Variants in TBC1D22A observed in about 807,000 individuals in gnomAD.
TBC1D22A encodes TBC1 domain family member 22A.
TBC1D22A carries 38 observed loss-of-function variants against 60.2 expected under a neutral mutation model. The observed-to-expected ratio is 0.63, with a 90% CI of 0.49 to 0.83. The LOEUF (loss-of-function observed/expected upper bound fraction) is 0.83. Ranked by LOEUF, TBC1D22A falls within the 40% of genes least tolerant of loss-of-function variation. The pLI, the probability that TBC1D22A is intolerant of heterozygous loss-of-function variation, is 0.00. For synonymous variants in TBC1D22A, 302 were observed against 281.7 expected (o/e 1.07, Z -0.72); for missense variants, 628 against 701.0 (o/e 0.90, Z 1.18).
chr22:47,163,991 C>A (rs1408251110), intron 12 of TBC1D22A, among the ~76,000 whole-genome samples: 1 of 152,238 alleles, frequency 6.6e-6, no homozygotes, highest in Non-Finnish European at 1.5e-5. Context: ...GCAACACCTC[C>A]AAGGCCCATG....
chr22:46,824,440 C>T (rs777335867), intron 4 of TBC1D22A, among the ~76,000 whole-genome samples: 1 of 152,070 alleles, frequency 6.6e-6, no homozygotes, highest in Non-Finnish European at 1.5e-5. Flanking sequence ...CCAAGAAGGC[C>T]GCTGTGGCTG....
At chr22:47,007,615 C>T (rs1228784515) in intron 10 of TBC1D22A, among the ~76,000 whole-genome samples, 1 of 151,968 alleles carries the variant, frequency 6.6e-6, no homozygotes, top group Non-Finnish European at 1.5e-5. Context: ...GAGGGCTGTC[C>T]CCTAGGGTTG....
chr22:47,029,178 T>C (rs530081585), intron 10 of TBC1D22A, among the ~76,000 whole-genome samples: 1 of 148,294 alleles, frequency 6.7e-6, no homozygotes, highest in Non-Finnish European at 1.5e-5. Context: ...AAAGCTTCCA[T>C]ACCCCTCCCC....
chr22:46,778,629 A>G (rs2083804816), intron 1 of TBC1D22A, among the ~76,000 whole-genome samples: 1 of 152,068 alleles, frequency 6.6e-6, no homozygotes, highest in East Asian at 1.9e-4. Flanking sequence ...CCATGATAAC[A>G]TTGCCTTCTT....
chr22:46,958,833 G>C (rs1288564968), intron 8 of TBC1D22A, among the ~76,000 whole-genome samples: 2 of 152,234 alleles, frequency 1.3e-5, no homozygotes, highest in Admixed American at 6.5e-5. Context: ...TGTTTACTTT[G>C]AATGTGCTCC....
chr22:47,100,613 T>C (rs1037356950), intron 11 of TBC1D22A, among the ~76,000 whole-genome samples: 2 of 152,136 alleles, frequency 1.3e-5, no homozygotes, highest in African/African-American at 4.8e-5. Flanking sequence ...AAAGAGGTGC[T>C]CCTCTGCACA....
chr22:47,150,884 C>T (rs548952201), intron 12 of TBC1D22A, among the ~76,000 whole-genome samples: 2 of 152,216 alleles, frequency 1.3e-5, no homozygotes, highest in Non-Finnish European at 2.9e-5. Flanking sequence ...ATGATGGTGC[C>T]ATTCTCTTCC....
At chr22:47,036,546 G>T (rs1199601261) in intron 10 of TBC1D22A, among the ~76,000 whole-genome samples, 1 of 152,218 alleles carries the variant, frequency 6.6e-6, no homozygotes, top group Non-Finnish European at 1.5e-5. Context: ...CCATCCTGCA[G>T]TCGAGGGGTG....
At chr22:46,788,434 C>T (rs966294594) in intron 1 of TBC1D22A, among the ~76,000 whole-genome samples, 4 of 152,180 alleles carry the variant, frequency 2.6e-5, no homozygotes, top group African/African-American at 4.8e-5. Flanking sequence ...AAAAAAGAAA[C>T]GGCATGTTGA....
intron 4 of TBC1D22A, among the ~76,000 whole-genome samples, chr22:46,854,453 C>T (rs1165582714): frequency 6.6e-6 from 1 of 152,152 alleles, no homozygotes; most frequent in African/African-American, 2.4e-5. Flanking sequence ...ATAGATGGCG[C>T]CAATCTCTCC....
chr22:47,133,226 A>G (rs980608825), intron 12 of TBC1D22A, among the ~76,000 whole-genome samples: 2 of 152,254 alleles, frequency 1.3e-5, no homozygotes, highest in Non-Finnish European at 2.9e-5. Flanking sequence ...TAGAAACCAT[A>G]GCCAGTTTTC....
intron 4 of TBC1D22A, among the ~76,000 whole-genome samples, chr22:46,838,719 A>G (rs1290675460): frequency 6.6e-6 from 1 of 152,222 alleles, no homozygotes; most frequent in African/African-American, 2.4e-5. Flanking sequence ...ACTGTGATTA[A>G]TTGGGATTTA....
chr22:47,092,178 A>T (rs746593261), intron 11 of TBC1D22A, among the ~76,000 whole-genome samples: 41 of 152,128 alleles, frequency 2.7e-4, no homozygotes, highest in Non-Finnish European at 4.9e-4. Flanking sequence ...CACTGGAGGG[A>T]TGTCGGAGCA....
At chr22:47,168,746 C>T (rs2068307320) in intron 12 of TBC1D22A, among the ~76,000 whole-genome samples, 1 of 150,390 alleles carries the variant, frequency 6.6e-6, no homozygotes, top group South Asian at 2.1e-4. Flanking sequence ...CACCGTCTCA[C>T]CCTTCCTGGG....
At chr22:47,148,687 TC>T (rs2067380416) in intron 12 of TBC1D22A, among the ~76,000 whole-genome samples, 1 of 146,476 alleles carries the variant, frequency 6.8e-6, no homozygotes, top group Non-Finnish European at 1.5e-5. Context: ...GGTCCCTCCC[TC>T]CCCTGAGTTC....
intron 12 of TBC1D22A, among the ~76,000 whole-genome samples, chr22:47,120,030 A>T (rs2066216194): frequency 6.6e-6 from 1 of 152,156 alleles, no homozygotes; most frequent in African/African-American, 2.4e-5. Flanking sequence ...AATATCCCAT[A>T]AAAATACCAC....
intron 12 of TBC1D22A, among the ~76,000 whole-genome samples, chr22:47,165,175 G>C (rs766033041): frequency 6.6e-6 from 1 of 152,098 alleles, no homozygotes; most frequent in African/African-American, 2.4e-5. Context: ...GCCAGGGCTC[G>C]TGATTGCCAG....
chr22:47,039,101 G>C lies in TBC1D22A; in HGVS notation c.1329+1903G>C, dbSNP rs9615119. ...AGTCAATCGCATTTTTGAGGAGCCAGAAAATGGATCGGCTTGCCCATGGTT... is the reference window on the plus strand; with the variant it reads ...AGTCAATCGCATTTTTGAGGAGCCACAAAATGGATCGGCTTGCCCATGGTT... On this transcript the variant is annotated intron_variant, in intron 11 of 12. Coordinates refer to ENST00000337137, the MANE Select transcript of TBC1D22A (RefSeq NM_014346.5). 9.0e-3 allele frequency among the ~76,000 whole-genome samples: 1,378 copies of C among 152,282 alleles called. 15 individuals are homozygous for C. Among genetic ancestry groups the C allele is most frequent in the African/African-American group, 0.023 (969 of 41,558 alleles).
At chr22:47,062,378 GGCTGGGCCT>G (rs1310876193) in intron 11 of TBC1D22A, among the ~76,000 whole-genome samples, 3 of 152,172 alleles carry the variant, frequency 2.0e-5, no homozygotes, top group Non-Finnish European at 4.4e-5. Context: ...GGAGGATGAG[GGCTGGGCCT>G]GCTGGCTTTA....
Sources: allele counts gnomAD v4.1 joint callset (sites outside exome capture counted in the v4.1 genomes callset), GRCh38; gene constraint gnomAD v4.1.1; transcripts MANE v1.5; gene names NCBI Gene and HGNC (gene_info 2026-07-23, HGNC 2026-07-21).